FARS2: variants seen among roughly 807,000 people sequenced by gnomAD.
The protein encoded by FARS2 is phenylalanyl-tRNA synthetase 2, mitochondrial.
In FARS2, 40 loss-of-function variants were observed where a neutral mutation model predicts 46.4. That is an observed-to-expected ratio of 0.86 (90% CI 0.67 to 1.12). FARS2 has a LOEUF of 1.12. FARS2 is among the 50% of genes most tolerant of loss of function. FARS2 has a pLI of 0.00. For synonymous variants in FARS2, 234 were observed against 214.9 expected (o/e 1.09, Z -0.78); for missense variants, 513 against 567.9 (o/e 0.90, Z 0.98).
At chr6:5,486,889 G>C (rs1367405551) in intron 4 of FARS2, among the ~76,000 whole-genome samples, 1 of 152,136 alleles carries the variant, frequency 6.6e-6, no homozygotes, top group African/African-American at 2.4e-5. Context: ...GATAATGGCA[G>C]TATTATTAGC....
At chr6:5,299,621 G>T (rs928318079) in intron 1 of FARS2, among the ~76,000 whole-genome samples, 2 of 152,114 alleles carry the variant, frequency 1.3e-5, no homozygotes, top group Non-Finnish European at 2.9e-5. Context: ...TGCCATGTTG[G>T]TTTGCTGCAC....
Position 5,685,950 on chromosome 6 carries a change from A to C in FARS2, c.1217+72630A>C, listed in dbSNP as rs377593903. 7.5e-4 allele frequency among the ~76,000 whole-genome samples: 114 copies of C among 152,308 alleles called. 1 individual carries two copies. The highest frequency in any genetic ancestry group is 2.4e-3 in the African/African-American group (101 of 41,576). On this transcript the variant is annotated intron_variant, in intron 6 of 6. Transcript: ENST00000274680. ...ATAACTTTAGAATACTCTTCCCACAAGACCACTCGGAGGATATTCAGATCA... is the reference window on the plus strand; with the variant it reads ...ATAACTTTAGAATACTCTTCCCACACGACCACTCGGAGGATATTCAGATCA...
intron 6 of FARS2, among the ~76,000 whole-genome samples, chr6:5,633,563 C>T (rs1203502475): frequency 1.3e-5 from 2 of 152,050 alleles, no homozygotes; most frequent in African/African-American, 2.4e-5. Context: ...CCACCACGCC[C>T]GGCACCTGGC....
chr6:5,266,882 T>G (rs2127810951), intron 1 of FARS2, among the ~76,000 whole-genome samples: 1 of 151,862 alleles, frequency 6.6e-6, no homozygotes, highest in African/African-American at 2.4e-5. Context: ...ACGTAGTGCT[T>G]TTTTAGGTTG....
At chr6:5,341,228 T>TAG (rs1771605900) in intron 1 of FARS2, among the ~76,000 whole-genome samples, 3 of 8,926 alleles carry the variant, frequency 3.4e-4, no homozygotes, top group Non-Finnish European at 5.6e-4. Context: ...TATATATATA[T>TAG]ATATATATTT....
chr6:5,475,032 TG>T (rs1325601646), intron 4 of FARS2, among the ~76,000 whole-genome samples: 4 of 152,182 alleles, frequency 2.6e-5, no homozygotes, highest in African/African-American at 4.8e-5. Context: ...CATTGTTACT[TG>T]GTGAACGACA....
At chr6:5,543,290 A>C (rs1449484424) in intron 4 of FARS2, among the ~76,000 whole-genome samples, 2 of 151,922 alleles carry the variant, frequency 1.3e-5, no homozygotes, top group East Asian at 3.9e-4. Flanking sequence ...TGCACACCTA[A>C]TCCTGAAGCT....
At chr6:5,363,307 C>G (rs1758438135) in intron 1 of FARS2, among the ~76,000 whole-genome samples, 1 of 152,028 alleles carries the variant, frequency 6.6e-6, no homozygotes, top group Non-Finnish European at 1.5e-5. Context: ...TAGCTTTTTC[C>G]CAGATACATG....
intron 6 of FARS2, among the ~76,000 whole-genome samples, chr6:5,747,013 T>C (rs1761685146): frequency 6.6e-6 from 1 of 151,364 alleles, no homozygotes; most frequent in African/African-American, 2.4e-5. Flanking sequence ...CATGCAGGAG[T>C]GGGCCAGATG....
Position 5,630,513 on chromosome 6 carries a change from G to A in FARS2, c.1217+17193G>A, listed in dbSNP as rs1776247578. On this transcript the variant is annotated intron_variant, in intron 6 of 6. Coordinates refer to ENST00000274680, the MANE Select transcript of FARS2 (RefSeq NM_006567.5). This position sits in a 1 kb window ranked among gnomAD's most constrained non-coding sequence, Gnocchi z 4.2. ...TTTATGCAAAGGGTTGGTGTCTCAT[G>A]GAGCAAGCAAAACGTCCTGACTCTG... 6.6e-6 allele frequency among the ~76,000 whole-genome samples: 1 copy of A among 152,208 alleles called. No individual in the cohort carries two copies. The highest frequency in any genetic ancestry group is 1.5e-5 in the Non-Finnish European group (1 of 68,040).
intron 3 of FARS2, among the ~76,000 whole-genome samples, chr6:5,423,192 G>T (rs1762655144): frequency 6.6e-6 from 1 of 152,042 alleles, no homozygotes; most frequent in Admixed American, 6.6e-5. Context: ...TTGACGAGGA[G>T]GATCGAGGAC....
At chr6:5,656,086 C>G (rs1366282700) in intron 6 of FARS2, among the ~76,000 whole-genome samples, 1 of 152,188 alleles carries the variant, frequency 6.6e-6, no homozygotes, top group Non-Finnish European at 1.5e-5. Context: ...CTAGAAAAAC[C>G]AGTATCGCCA....
intron 6 of FARS2, among the ~76,000 whole-genome samples, chr6:5,694,025 A>C (rs1561805717): frequency 6.6e-6 from 1 of 152,156 alleles, no homozygotes; most frequent in Non-Finnish European, 1.5e-5. Context: ...GCGCCTCTCA[A>C]AGGGAGGATT....
upstream of FARS2, among the ~76,000 whole-genome samples, chr6:5,256,490 G>GAAAAAAAAAAAAAAAA (rs777995486): frequency 1.1e-3 from 41 of 37,522 alleles, 15 homozygotes; most frequent in Non-Finnish European, 1.6e-3. Flanking sequence ...GATTTCAACT[G>GAAAAAAAAAAAAAAAA]GAAAAAAAAA....
Position 5,471,320 on chromosome 6 carries a change from G to GT in FARS2, c.904+40149dup, listed in dbSNP as rs1290769145. Among the ~76,000 whole-genome samples, 1 of 152,164 alleles carries GT rather than the reference G, an allele frequency of 6.6e-6. No individual in the cohort carries two copies. Among genetic ancestry groups the GT allele is most frequent in the Non-Finnish European group, 1.5e-5 (1 of 68,034 alleles). ...CTTATTTTAATCTTGGGGAAACTGGGTATAAGAGGGAATTTCCTGAGACTC... is the reference window on the plus strand; with the variant it reads ...CTTATTTTAATCTTGGGGAAACTGGGTTATAAGAGGGAATTTCCTGAGACTC... On this transcript the variant is annotated intron_variant, in intron 4 of 6. Transcript: ENST00000274680. This position sits in a 1 kb window ranked among gnomAD's most constrained non-coding sequence, Gnocchi z 4.1.
At chr6:5,623,079 G>A (rs921740800) in intron 6 of FARS2, among the ~76,000 whole-genome samples, 2 of 152,188 alleles carry the variant, frequency 1.3e-5, no homozygotes, top group Non-Finnish European at 2.9e-5. Flanking sequence ...GACTTTTGGA[G>A]CCTTAGTTTC....
chr6:5,488,248 A>G (rs909992628), intron 4 of FARS2, among the ~76,000 whole-genome samples: 4 of 152,212 alleles, frequency 2.6e-5, no homozygotes, highest in Admixed American at 6.5e-5. Flanking sequence ...AAAAAAGTAC[A>G]GACATACATT....
At chr6:5,251,680 C>T in the FARS2 span, among the ~76,000 whole-genome samples, 4 of 152,216 alleles carry the variant, frequency 2.6e-5, no homozygotes, top group African/African-American at 7.2e-5. Flanking sequence ...GGCCCCACCT[C>T]CAACACGGGG....
chr6:5,473,550 AAAAAAAACAAAAG>A (rs1416085468), intron 4 of FARS2, among the ~76,000 whole-genome samples: 3 of 149,386 alleles, frequency 2.0e-5, no homozygotes, highest in Non-Finnish European at 4.5e-5. Flanking sequence ...AAAAACAAAA[AAAAAAAACAAAAG>A]AATACCCTGC....
Sources: gnomAD v4.1 joint callset for allele counts (sites outside exome capture counted in the v4.1 genomes callset) on GRCh38, gnomAD v4.1.1 for gene constraint, Gnocchi (gnomAD v3.1) non-coding constraint, MANE v1.5 for transcripts, NCBI Gene and HGNC (gene_info 2026-07-23, HGNC 2026-07-21) for gene names.